The following LAYN variants were observed in gnomAD, a reference collection of about 807,000 sequenced individuals.
The protein encoded by LAYN is layilin.
In LAYN, 38 loss-of-function variants were observed where a neutral mutation model predicts 43.6. That is an observed-to-expected ratio of 0.87 (90% CI 0.67 to 1.14). The LOEUF is 1.14. Among genes scored for constraint, LAYN ranks in the 50% most tolerant of loss-of-function variants. The pLI is 0.00. For missense variants in LAYN, 479 were observed against 463.8 expected (o/e 1.03, Z -0.30); for synonymous variants, 168 against 172.9 (o/e 0.97, Z 0.22).
intron 6 of LAYN, among the ~76,000 whole-genome samples, chr11:111,558,421 G>A (rs1475873497): frequency 6.6e-6 from 1 of 152,064 alleles, no homozygotes; most frequent in East Asian, 1.9e-4. Context: ...TTCCTTGTAG[G>A]ATTATTATAA....
At chr11:111,551,489 T>C in intron 3 of LAYN, 1 of 453,614 alleles carries the variant, frequency 2.2e-6, no homozygotes, top group South Asian at 1.6e-5. Flanking sequence ...TGGCCACCCA[T>C]GCCCAGAATA....
intron 3 of LAYN, 108 bp from the exon 4 acceptor site, chr11:111,554,453 G>A (rs756421067): frequency 1.4e-4 from 120 of 842,376 alleles, no homozygotes; most frequent in Admixed American, 3.4e-4. Context: ...AAAGTTTATC[G>A]GAGGAATGAA....
intron 4 of LAYN, among the ~76,000 whole-genome samples, chr11:111,554,934 C>T (rs1867808253): frequency 6.6e-6 from 1 of 152,122 alleles, no homozygotes; most frequent in African/African-American, 2.4e-5. Context: ...TTGGCCCTTC[C>T]CCTTGACACC....
chr11:111,546,264 C>T (rs1187743796), intron 2 of LAYN, among the ~76,000 whole-genome samples: 1 of 152,170 alleles, frequency 6.6e-6, no homozygotes, highest in Non-Finnish European at 1.5e-5. Flanking sequence ...CCAAAACCTC[C>T]TAGTCCACAA....
chr11:111,560,286 A>G lies in LAYN; in HGVS notation c.953A>G (p.Asp318Gly). 1 of 1,614,214 alleles carries G rather than the reference A, an allele frequency of 6.2e-7. No individual in the cohort carries two copies. The highest frequency in any genetic ancestry group is 8.5e-7 in the Non-Finnish European group (1 of 1,180,026). The stretch of plus-strand genomic sequence containing the variant: ...TGTTCGGGAGAAGCCACTCCCGATG[A>G]CATGTCTTGTGACTATGACAACATG... ...RVCSGEATPD[D>G]MSCDYDNMAV... The change falls in exon 7 of 7, where the codon GAC (aspartate) becomes GGC (glycine). Residue 318 changes from aspartate (D) to glycine (G), a missense_variant. Coordinates refer to ENST00000375614, the MANE Select transcript of LAYN (RefSeq NM_178834.5).
At chr11:111,555,924 A>G (rs555674347) in intron 5 of LAYN, among the ~76,000 whole-genome samples, 1 of 152,320 alleles carries the variant, frequency 6.6e-6, no homozygotes, top group Admixed American at 6.5e-5. Flanking sequence ...AAAATGAAAT[A>G]GGATATTGCA....
chr11:111,558,754 T>A (rs1867887735), intron 6 of LAYN, among the ~76,000 whole-genome samples: 1 of 139,670 alleles, frequency 7.2e-6, no homozygotes, highest in South Asian at 2.3e-4. Context: ...AGAACAATAT[T>A]TTATTTTATT....
rs1867708381 is a variant in LAYN, at chr11:111,549,699, C to T, written c.465C>T (p.Ile155=). 3.1e-6 allele frequency: 5 copies of T among 1,604,662 alleles called. No individual in the cohort carries two copies. The highest frequency in any genetic ancestry group is 4.2e-6 in the Non-Finnish European group (5 of 1,176,606). The change falls in exon 3 of 7, where the codon ATC becomes ATT. Residue 155 remains isoleucine, a synonymous_variant. Coordinates refer to ENST00000375614, the MANE Select transcript of LAYN (RefSeq NM_178834.5). ...MYHQPSAPAG[I]GGPYMFQWND... is the part of the protein sequence containing the mutation. ...ATCAGCCATCGGCACCCGCTGGCAT[C>T]GGAGGCCCCTACATGTTCCAGTGGA...
intron 1 of LAYN, chr11:111,541,308 T>A: frequency 1.7e-6 from 1 of 602,978 alleles, no homozygotes; most frequent in Non-Finnish European, 2.9e-6. Context: ...GGGGCAGGCT[T>A]GCCAGCTGGC....
intron 6 of LAYN, 23 bp from the exon 7 acceptor site, chr11:111,560,072 G>A: frequency 6.3e-7 from 1 of 1,583,712 alleles, no homozygotes; most frequent in African/African-American, 1.4e-5. Context: ...AAAACACTCA[G>A]CCCTGGTTTT....
At chr11:111,542,378 C>T (rs1867562991) in intron 1 of LAYN, among the ~76,000 whole-genome samples, 1 of 152,198 alleles carries the variant, frequency 6.6e-6, no homozygotes, top group South Asian at 2.1e-4. Flanking sequence ...ATGTGGAACT[C>T]TTATAACTTG....
In LAYN at chr11:111,555,297, A is replaced by G. The variant is rs562664077; in HGVS notation, c.658+7A>G. The G allele has an allele frequency of 6.3e-7, 1 of 1,594,392 alleles. No homozygotes were observed. The highest frequency in any genetic ancestry group is 1.3e-5 in the African/African-American group (1 of 74,588). On this transcript the variant is annotated splice_region_variant and intron_variant, in intron 5 of 6. Coordinates refer to ENST00000375614, the MANE Select transcript of LAYN (RefSeq NM_178834.5). ...ACATTTAAAGAAAGTAGAGGTATCT[A>G]CAAAACTCTCCTGGGAAAGATGAAT...
rs1368651083 is a variant in LAYN at position 111,560,415 on chromosome 11, G to T, written c.1082G>T (p.Ser361Ile). ...TTCTCCCCAGACCAAATGGGGAGGA[G>T]TAAGGAGTCTGGATGGGTGGAAAAT... ...YEFSPDQMGRSKESGWVENEI... is the reference protein window; with the variant it reads ...YEFSPDQMGRIKESGWVENEI... The change falls in exon 7 of 7, where the codon AGT becomes ATT. Residue 361 changes from serine to isoleucine, a missense_variant. Transcript: ENST00000375614. 6.2e-7 allele frequency: 1 copy of T among 1,613,962 alleles called. No individual in the cohort carries two copies. The highest frequency in any genetic ancestry group is 1.1e-5 in the South Asian group (1 of 91,072).
In LAYN at chr11:111,540,927, T is replaced by A; in HGVS notation, c.84T>A (p.Ser28Arg). ...GLRAATGRLLSGQPVCRGGTQ... is the reference protein window; with the variant it reads ...GLRAATGRLLRGQPVCRGGTQ... ...GGGCCGCGACGGGTCGCCTGCTGAG[T>A]GGTGAGTGCGCGCGCTGGGGCGGGG... The change falls in exon 1 of 7, where the codon AGT (serine) becomes AGA (arginine). Residue 28 changes from serine (S) to arginine (R), a missense_variant and splice_region_variant. Ser to Arg is a moderately radical substitution (Grantham distance 110, BLOSUM62 -1). Coordinates refer to ENST00000375614, the MANE Select transcript of LAYN (RefSeq NM_178834.5). The A allele has an allele frequency of 6.5e-7, 1 of 1,530,466 alleles. No individual in the cohort carries two copies. The highest frequency in any genetic ancestry group is 8.7e-7 in the Non-Finnish European group (1 of 1,144,712). 94.8% of individuals were successfully genotyped at this position (1,530,466 alleles called of 1,614,324 possible).
Position 111,560,383 on chromosome 11 carries a change from TTA to T in LAYN, c.1052_1053del (p.Tyr351Ter). The T allele has an allele frequency of 6.2e-7, 1 of 1,614,040 alleles. No individual in the cohort carries two copies. The highest frequency in any genetic ancestry group is 8.5e-7 in the Non-Finnish European group (1 of 1,179,984). On this transcript the variant is annotated frameshift_variant, in exon 7 of 7. Coordinates refer to ENST00000375614, the MANE Select transcript of LAYN (RefSeq NM_178834.5). LOFTEE classifies it high-confidence loss of function. Reference sequence around the variant, plus strand: ...AGAGTGGATTTGTGACCAATGACATTTATGAGTTCTCCCCAGACCAAATGGGG... The same window carrying T: ...AGAGTGGATTTGTGACCAATGACATTTGAGTTCTCCCCAGACCAAATGGGG... ...VESGFVTNDI[Y>X]EFSPDQMGRS...
chr11:111,540,736 G>A lies in LAYN; in HGVS notation c.-108G>A. Reference sequence around the variant, plus strand: ...CCGCCTCCCGTGCGGTCCGTCGGTGGCCTAGAGATGCTGCTGCCGCGGTTG... The same window carrying A: ...CCGCCTCCCGTGCGGTCCGTCGGTGACCTAGAGATGCTGCTGCCGCGGTTG... On this transcript the variant is annotated 5_prime_UTR_variant, in exon 1 of 7. Coordinates refer to ENST00000375614, the MANE Select transcript of LAYN (RefSeq NM_178834.5). 1 of 1,126,024 alleles carries A rather than the reference G, an allele frequency of 8.9e-7. No individual in the cohort carries two copies. Among genetic ancestry groups the A allele is most frequent in the South Asian group, 1.6e-5 (1 of 62,542 alleles). The allele number at this position is 1,126,024 out of a possible 1,614,324, so 69.8% of individuals were successfully genotyped here. A position where few individuals can be genotyped will look rare whatever the true frequency, so the allele number is the denominator to read the frequency against.
intron 6 of LAYN, among the ~76,000 whole-genome samples, chr11:111,559,660 T>C (rs573674815): frequency 6.6e-6 from 1 of 152,200 alleles, no homozygotes; most frequent in South Asian, 2.1e-4. Flanking sequence ...GGTTTTAACA[T>C]GTTGCCCAGG....
chr11:111,553,620 TA>T (rs146406195), intron 3 of LAYN, among the ~76,000 whole-genome samples: 4,953 of 127,946 alleles, frequency 0.039, 137 homozygotes, highest in African/African-American at 0.069. Context: ...CTCTCTCACA[TA>T]AAAAAAAAAA....
rs1254716709 is a variant in LAYN at position 111,561,197 on chromosome 11, A to G, written c.*739A>G. On this transcript the variant is annotated 3_prime_UTR_variant, in exon 7 of 7. Transcript: ENST00000375614. ...CAAAATAGTGAGACTCTGACTCTAC[A>G]AAAAATTTAAAAATTAGCAGGGCAT... 6.6e-6 allele frequency: 1 copy of G among 152,270 alleles called. No homozygotes were observed. Among genetic ancestry groups the G allele is most frequent in the Non-Finnish European group, 1.5e-5 (1 of 68,054 alleles). The allele number at this position is 152,270 out of a possible 1,614,324, so 9.4% of individuals were successfully genotyped here. A position where few individuals can be genotyped will look rare whatever the true frequency, so the allele number is the denominator to read the frequency against.
Sources: allele counts gnomAD v4.1 joint callset (sites outside exome capture counted in the v4.1 genomes callset), GRCh38; gene constraint gnomAD v4.1.1; transcripts MANE v1.5; gene names NCBI Gene and HGNC (gene_info 2026-07-23, HGNC 2026-07-21).